The following MYCBPAP variants were observed in gnomAD, a reference collection of about 807,000 sequenced individuals.
The protein encoded by MYCBPAP is MYCBP-associated protein.
In MYCBPAP, 60 loss-of-function variants were observed where a neutral mutation model predicts 106.1. That is an observed-to-expected ratio of 0.57 (90% CI 0.46 to 0.70). MYCBPAP has a LOEUF of 0.70. Among genes scored for constraint, MYCBPAP ranks in the 30% least tolerant of loss-of-function variants. MYCBPAP has a pLI of 0.00. For synonymous variants in MYCBPAP, 407 were observed against 440.6 expected (o/e 0.92, Z 0.95); for missense variants, 1,064 against 1,169.3 (o/e 0.91, Z 1.31).
intron 14 of MYCBPAP, 143 bp downstream of exon 14, chr17:50,526,410 C>CTTT: frequency 2.6e-6 from 1 of 378,712 alleles, no homozygotes; most frequent in Non-Finnish European, 4.1e-6. Context: ...GGTTATCTAT[C>CTTT]TATCTATTTA....
At chr17:50,530,557 A>G (rs989019241) in intron 18 of MYCBPAP, among the ~76,000 whole-genome samples, 7 of 151,548 alleles carry the variant, frequency 4.6e-5, no homozygotes, top group African/African-American at 1.7e-4. Context: ...GCACGTTGGA[A>G]GGCTGAGGCA....
intron 3 of MYCBPAP, 29 bp from the exon 4 acceptor site, chr17:50,517,566 C>CT (rs2034098246): frequency 6.2e-7 from 1 of 1,613,800 alleles, no homozygotes; most frequent in Admixed American, 1.7e-5. Context: ...CCCACAGCTT[C>CT]TTTCCCCTTT....
intron 2 of MYCBPAP, 29 bp from the exon 3 acceptor site, chr17:50,517,264 G>T (rs1358987088): frequency 4.3e-6 from 7 of 1,610,006 alleles, no homozygotes; most frequent in Non-Finnish European, 5.1e-6. Context: ...ACCACAGGTG[G>T]AATTCTCCTT....
Position 50,529,017 on chromosome 17 carries a change from G to A in MYCBPAP, c.293-2310G>A. ...CTATGTGTGTCTCCCTCCCCCAGCA[G>A]GACCGTCCCAACAGCAAGAAGCACA... On this transcript the variant is annotated intron_variant, in intron 2 of 2. Transcript: ENST00000488432. 6.2e-7 allele frequency: 1 copy of A among 1,613,618 alleles called. No individual in the cohort carries two copies. Among genetic ancestry groups the A allele is most frequent in the African/African-American group, 1.3e-5 (1 of 75,038 alleles).
intron 15 of MYCBPAP, among the ~76,000 whole-genome samples, chr17:50,527,737 C>G (rs2034507199): frequency 6.6e-6 from 1 of 152,166 alleles, no homozygotes; most frequent in Non-Finnish European, 1.5e-5. Flanking sequence ...TCTCTGTTGT[C>G]ACCCTCCCCT....
rs57947501 is a variant in MYCBPAP, at chr17:50,525,659, C to CTCTTTTTTTTTTTTT, written c.1783-221_1783-220insCTTTTTTTTTTTTTT. On this transcript the variant is annotated intron_variant, in intron 13 of 18. Coordinates refer to ENST00000323776, the MANE Select transcript of MYCBPAP (RefSeq NM_032133.6). ...ACATCACCATGCTCAGCTAATTTCT[C>CTCTTTTTTTTTTTTT]TTTTTTTTTTTGGTAGAGATAGGAT... 1.1e-3 allele frequency among the ~76,000 whole-genome samples: 146 copies of CTCTTTTTTTTTTTTT among 131,358 alleles called. 15 individuals are homozygous for CTCTTTTTTTTTTTTT. Among genetic ancestry groups the CTCTTTTTTTTTTTTT allele is most frequent in the East Asian group, 4.4e-3 (19 of 4,286 alleles). The allele number at this position is 131,358 out of a possible 152,430, so 86.2% of individuals were successfully genotyped here. A position where few individuals can be genotyped will look rare whatever the true frequency, so the allele number is the denominator to read the frequency against.
At chr17:50,514,826 T>A (rs1255001569) in intron 1 of MYCBPAP, 5 of 387,808 alleles carry the variant, frequency 1.3e-5, no homozygotes, top group Non-Finnish European at 2.6e-5. Flanking sequence ...CCTGGTTAAT[T>A]TTTTGATTTT....
At position 50,531,399 on chromosome 17, in the gene MYCBPAP, G is replaced by A. The variant is rs200618161; in HGVS notation, c.2797G>A (p.Val933Ile). ...LADELSPIKN[V>I]EEALRLCR ...TGATGAGCTCAGCCCCATAAAGAAT[G>A]TCGAGGAGGCTTTGCGCCTCTGCAG... The change falls in exon 19 of 19, where the codon GTC becomes ATC. Residue 933 changes from valine to isoleucine, a missense_variant. Physicochemically the swap from Val to Ile is conservative, Grantham distance 29. Transcript: ENST00000323776. The A allele has an allele frequency of 2.1e-5, 34 of 1,613,540 alleles. No homozygotes were observed. The highest frequency in any genetic ancestry group is 2.7e-5 in the Non-Finnish European group (32 of 1,179,818).
Position 50,529,067 on chromosome 17 carries a change from T to C in MYCBPAP, c.2603T>C (p.Ile868Thr). ...AAGGCAAAGGATGACAAGAAAGTCA[T>C]AAAATCTGCAAGTCAGGACAGGTTT... is the stretch of plus-strand genomic sequence containing the variant. ...KHKAKDDKKVIKSASQDRFSL... is the reference protein window; with the variant it reads ...KHKAKDDKKVTKSASQDRFSL... Residue 868 changes from isoleucine to threonine, a missense_variant, in exon 18 of 19, where the codon ATA becomes ACA. Physicochemically the swap from Ile to Thr is moderately conservative, Grantham distance 89. Coordinates refer to ENST00000323776, the MANE Select transcript of MYCBPAP (RefSeq NM_032133.6). 2.5e-6 allele frequency: 4 copies of C among 1,614,110 alleles called. No individual in the cohort carries two copies. The highest frequency in any genetic ancestry group is 2.5e-6 in the Non-Finnish European group (3 of 1,180,020).
At chr17:50,521,059 C>T in intron 7 of MYCBPAP, 51 bp from the exon 8 acceptor site, 1 of 1,466,056 alleles carries the variant, frequency 6.8e-7, no homozygotes, top group Non-Finnish European at 9.4e-7. Flanking sequence ...AGTGGGTGAG[C>T]AAGGGGACAT....
chr17:50,509,677 T>C (rs2033753703), intron 1 of MYCBPAP: 1 of 158,398 alleles, frequency 6.3e-6, no homozygotes, highest in Non-Finnish European at 1.4e-5. Context: ...ATTCCAGGCA[T>C]GGACCACTGC....
intron 1 of MYCBPAP, among the ~76,000 whole-genome samples, chr17:50,510,692 A>ATTTTTT (rs56894700): frequency 9.0e-6 from 1 of 111,166 alleles, no homozygotes; most frequent in Non-Finnish European, 1.8e-5. Context: ...TGCCTGGCAA[A>ATTTTTT]TTTTTTTTTT....
intron 1 of MYCBPAP, chr17:50,510,423 C>T (rs997771348): frequency 5.7e-5 from 8 of 139,746 alleles, no homozygotes; most frequent in African/African-American, 2.1e-4. Context: ...TTATGACATA[C>T]TATATATATA....
chr17:50,527,608 C>T (rs1453432336), intron 15 of MYCBPAP, among the ~76,000 whole-genome samples, 200 bp downstream of exon 15: 1 of 152,182 alleles, frequency 6.6e-6, no homozygotes, highest in African/African-American at 2.4e-5. Context: ...GATCAAACAC[C>T]TTATCTTTTT....
At chr17:50,508,377 G>T (rs1012990212), upstream of MYCBPAP, 12 of 559,802 alleles carry the variant, frequency 2.1e-5, 1 homozygote, top group South Asian at 3.4e-4. Context: ...GCCCCGCCCC[G>T]CCCGGCTGGT....
At chr17:50,521,259 C>G in intron 8 of MYCBPAP, 34 bp downstream of exon 8, 2 of 1,597,944 alleles carry the variant, frequency 1.3e-6, no homozygotes, top group Non-Finnish European at 1.7e-6. Context: ...GTCAGAAGCC[C>G]CTTGGGGCGA....
intron 6 of MYCBPAP, 39 bp downstream of exon 6, chr17:50,519,128 T>A (rs1459310814): frequency 4.2e-6 from 4 of 951,202 alleles, no homozygotes; most frequent in Non-Finnish European, 6.2e-6. Context: ...GGCAGGGGGG[T>A]CCATGGAGGA....
chr17:50,515,656 A>T (rs1255869726), intron 1 of MYCBPAP, among the ~76,000 whole-genome samples: 6 of 152,124 alleles, frequency 3.9e-5, no homozygotes, highest in African/African-American at 1.4e-4. Flanking sequence ...TGTATTCATA[A>T]AACTCCCCCA....
At chr17:50,509,066 C>T (rs1378797602) in intron 1 of MYCBPAP, 1 of 702,770 alleles carries the variant, frequency 1.4e-6, no homozygotes, top group Admixed American at 2.0e-5. Flanking sequence ...GGCAGGATCC[C>T]CGGACTGGAT....
Sources: gnomAD v4.1 joint callset for allele counts (sites outside exome capture counted in the v4.1 genomes callset) on GRCh38, gnomAD v4.1.1 for gene constraint, MANE v1.5 for transcripts, NCBI Gene and HGNC (gene_info 2026-07-23, HGNC 2026-07-21) for gene names.